Variants in TRPM3 observed in about 807,000 individuals in gnomAD.
TRPM3 encodes transient receptor potential cation channel subfamily M member 3.
A neutral mutation model predicts 181.2 loss-of-function variants in TRPM3; 77 were observed. That is an observed-to-expected ratio of 0.42 (90% CI 0.35 to 0.51). TRPM3 has a LOEUF of 0.51. TRPM3 is among the 20% of genes least tolerant of loss of function. The pLI is 0.01. For synonymous variants in TRPM3, 745 were observed against 796.4 expected, an observed-to-expected ratio of 0.94 and a Z score of 1.09; for missense variants, 1,759 against 2,196.7, an observed-to-expected ratio of 0.80 and a Z score of 3.98.
rs766622237 is a variant in TRPM3 at position 70,917,058 on chromosome 9, A to T, written c.178-52547T>A. On this transcript the variant is annotated intron_variant, in intron 1 of 25. Coordinates refer to ENST00000677713, the MANE Select transcript of TRPM3 (RefSeq NM_001366145.2). ...ACTGGTATGTCGCTAAGGCAAGAAAAATAGCACTGAGGAAAGCACTGCAAC... is the reference window on the plus strand; with the variant it reads ...ACTGGTATGTCGCTAAGGCAAGAAATATAGCACTGAGGAAAGCACTGCAAC... 1.8e-5 allele frequency: 28 copies of T among 1,594,076 alleles called. No homozygotes were observed. The South Asian group carries it at 1.9e-4, about 11-fold the overall frequency.
chr9:70,975,307 C>T (rs2097292175), intron 1 of TRPM3, among the ~76,000 whole-genome samples: 1 of 152,144 alleles, frequency 6.6e-6, no homozygotes, highest in South Asian at 2.1e-4. Context: ...ATATAGGATT[C>T]TTCAAAGGAA....
At chr9:71,067,503 T>C (rs1392399757) in intron 1 of TRPM3, among the ~76,000 whole-genome samples, 4 of 152,216 alleles carry the variant, frequency 2.6e-5, no homozygotes, top group Admixed American at 6.5e-5. Flanking sequence ...GCAGCCAGAA[T>C]GCTGGAGTTT....
At chr9:70,777,981 TAACA>T (rs1021857037) in intron 7 of TRPM3, among the ~76,000 whole-genome samples, 13 of 121,844 alleles carry the variant, frequency 1.1e-4, no homozygotes, top group South Asian at 2.6e-4. Context: ...TATATAAATT[TAACA>T]GACACAGACA....
rs534788844 is a variant in TRPM3 at position 71,367,666 on chromosome 9, A to G, written c.183+78987T>C. Among the ~76,000 whole-genome samples the G allele has an allele frequency of 3.3e-5, 5 of 152,272 alleles. No individual in the cohort carries two copies. In the South Asian group the frequency reaches 8.3e-4, roughly 25 times the overall value. ...AGGTTCTAAGCTCATCGAAACCATC[A>G]AATAAGAGGATGGTTATTTGAGGAT... On this transcript the variant is annotated intron_variant, in intron 1 of 24. Transcript: ENST00000357533.
chr9:71,281,789 C>T (rs954627238), intron 1 of TRPM3, among the ~76,000 whole-genome samples: 3 of 152,090 alleles, frequency 2.0e-5, no homozygotes, highest in African/African-American at 7.2e-5. Context: ...TGGCCAGGTG[C>T]GGTGGATCAC....
intron 1 of TRPM3, among the ~76,000 whole-genome samples, chr9:70,924,515 A>C (rs1238149148): frequency 6.6e-6 from 1 of 152,100 alleles, no homozygotes; most frequent in Non-Finnish European, 1.5e-5. Context: ...CTTGACCATA[A>C]ATCTATTTTC....
intron 1 of TRPM3, among the ~76,000 whole-genome samples, chr9:71,091,577 G>A (rs998259555): frequency 2.0e-5 from 3 of 152,040 alleles, no homozygotes; most frequent in Non-Finnish European, 2.9e-5. Flanking sequence ...TGAATACAAC[G>A]CAGATCCAGG....
intron 5 of TRPM3, among the ~76,000 whole-genome samples, chr9:70,833,854 G>C (rs925214825): frequency 6.6e-6 from 1 of 152,126 alleles, no homozygotes; most frequent in Admixed American, 6.5e-5. Flanking sequence ...TTTGGAGAGA[G>C]AGAAACAAAA....
intron 1 of TRPM3, among the ~76,000 whole-genome samples, chr9:71,304,521 G>A (rs957867129): frequency 1.3e-5 from 2 of 152,170 alleles, no homozygotes; most frequent in African/African-American, 4.8e-5. Context: ...ATCCAACCTA[G>A]CATCTATTGT....
intron 6 of TRPM3, among the ~76,000 whole-genome samples, chr9:70,785,389 C>T (rs1004577182): frequency 6.6e-6 from 1 of 152,162 alleles, no homozygotes; most frequent in Admixed American, 6.5e-5. Context: ...TGAATAACTT[C>T]CTTTTGTTCA....
intron 1 of TRPM3, among the ~76,000 whole-genome samples, chr9:70,986,287 C>T (rs1158836333): frequency 2.6e-5 from 4 of 152,114 alleles, no homozygotes; most frequent in Non-Finnish European, 4.4e-5. Flanking sequence ...TCACTTGAAT[C>T]CAGAAGTTCA....
intron 1 of TRPM3, among the ~76,000 whole-genome samples, chr9:71,335,741 T>C (rs1405932401): frequency 6.6e-6 from 1 of 152,140 alleles, no homozygotes; most frequent in Non-Finnish European, 1.5e-5. Flanking sequence ...ATTAATTTTG[T>C]AAACATAAAG....
intron 1 of TRPM3, among the ~76,000 whole-genome samples, chr9:70,960,068 C>A (rs1239911107): frequency 3.3e-5 from 5 of 152,060 alleles, no homozygotes; most frequent in Admixed American, 2.6e-4. Flanking sequence ...TTTGTGGGAA[C>A]TCCCCAACAA....
At chr9:71,440,221 C>A (rs550573056) in intron 1 of TRPM3, among the ~76,000 whole-genome samples, 6 of 152,248 alleles carry the variant, frequency 3.9e-5, no homozygotes, top group African/African-American at 1.4e-4. Context: ...CCTAGCAGAA[C>A]TGGGGAGAAA....
intron 1 of TRPM3, among the ~76,000 whole-genome samples, chr9:71,114,378 C>T (rs889249984): frequency 6.6e-6 from 1 of 152,080 alleles, no homozygotes; most frequent in Non-Finnish European, 1.5e-5. Flanking sequence ...CCTGAACCAC[C>T]CCACCCCAGC....
Position 70,761,825 on chromosome 9 carries a change from T to C in TRPM3, c.1149-101A>G, listed in dbSNP as rs1312699629. The C allele has an allele frequency of 8.1e-6, 11 of 1,353,704 alleles. No individual in the cohort carries two copies. The Admixed American group carries it at 2.8e-4, about 34-fold the overall frequency. The allele number at this position is 1,353,704 out of a possible 1,614,324, so 83.9% of individuals were successfully genotyped here. On this transcript the variant is annotated intron_variant, in intron 7 of 25. Coordinates refer to ENST00000677713, the MANE Select transcript of TRPM3 (RefSeq NM_001366145.2). The stretch of plus-strand genomic sequence containing the variant: ...AAGAGGAAATAATGAGGGTTTACTT[T>C]AGATAGGAGTTATTTCTGTATTTTT...
intron 8 of TRPM3, among the ~76,000 whole-genome samples, chr9:70,685,903 G>A (rs566388530): frequency 8.7e-5 from 13 of 150,156 alleles, no homozygotes; most frequent in Admixed American, 2.7e-4. Context: ...TGTCATTTTC[G>A]TTCATTTTTA....
intron 6 of TRPM3, among the ~76,000 whole-genome samples, chr9:70,814,772 A>T (rs1172030923): frequency 1.3e-5 from 2 of 152,030 alleles, no homozygotes; most frequent in Non-Finnish European, 2.9e-5. Flanking sequence ...GTCAAGAATG[A>T]TATCCATACC....
intron 1 of TRPM3, among the ~76,000 whole-genome samples, chr9:71,384,161 G>A (rs2092873538): frequency 6.6e-6 from 1 of 152,086 alleles, no homozygotes; most frequent in South Asian, 2.1e-4. Flanking sequence ...AACTCTAGTT[G>A]TTTTCATATT....
Sources: allele counts gnomAD v4.1 joint callset (sites outside exome capture counted in the v4.1 genomes callset), GRCh38; gene constraint gnomAD v4.1.1; transcripts MANE v1.5; gene names NCBI Gene and HGNC (gene_info 2026-07-23, HGNC 2026-07-21).